CAMKMT: variants seen among roughly 807,000 people sequenced by gnomAD.
The protein encoded by CAMKMT is CaM KMT.
CAMKMT carries 53 observed loss-of-function variants against 48.0 expected under a neutral mutation model. The observed-to-expected ratio is 1.10, with a 90% CI of 0.89 to 1.39. CAMKMT has a LOEUF of 1.39. CAMKMT is among the 40% of genes most tolerant of loss of function. The probability of loss-of-function intolerance (pLI) is 0.00; values close to 1 mark genes in which losing one functional copy is unlikely to be tolerated. For synonymous variants in CAMKMT, 165 were observed against 152.3 expected (o/e 1.08, Z -0.61); for missense variants, 428 against 402.7 (o/e 1.06, Z -0.54).
intron 3 of CAMKMT, among the ~76,000 whole-genome samples, chr2:44,417,445 G>A (rs1683636233): frequency 1.3e-5 from 2 of 152,130 alleles, no homozygotes; most frequent in South Asian, 4.1e-4. Flanking sequence ...ATTCATTTAT[G>A]TATTCATCTA....
At chr2:44,417,316 A>G (rs1683626040) in intron 3 of CAMKMT, among the ~76,000 whole-genome samples, 1 of 152,100 alleles carries the variant, frequency 6.6e-6, no homozygotes, top group Non-Finnish European at 1.5e-5. Flanking sequence ...AATTGCTTGA[A>G]TCCGGGAGGC....
intron 6 of CAMKMT, among the ~76,000 whole-genome samples, chr2:44,712,630 G>A (rs923435275): frequency 5.9e-5 from 9 of 152,118 alleles, no homozygotes; most frequent in Non-Finnish European, 1.2e-4. Context: ...TAGACAAGGG[G>A]ATTGGAGGCA....
intron 6 of CAMKMT, among the ~76,000 whole-genome samples, chr2:44,713,540 T>C (rs1284574627): frequency 6.6e-6 from 1 of 152,308 alleles, no homozygotes; most frequent in East Asian, 1.9e-4. Flanking sequence ...TGTAGGCCGA[T>C]GTGTCATTTT....
chr2:44,430,176 G>A lies in CAMKMT; in HGVS notation c.376+39871G>A, dbSNP rs534961896. On this transcript the variant is annotated intron_variant, in intron 3 of 10. Coordinates refer to ENST00000378494, the MANE Select transcript of CAMKMT (RefSeq NM_024766.5). ...TGGAAGCTAAAGAATAACCTGCCTTGTAGTCTCTGATGTTTCAAAAGAATC... is the reference window on the plus strand; with the variant it reads ...TGGAAGCTAAAGAATAACCTGCCTTATAGTCTCTGATGTTTCAAAAGAATC... Among the ~76,000 whole-genome samples, 13 of 152,112 alleles carry A rather than the reference G, an allele frequency of 8.5e-5. 1 individual carries two copies. The South Asian group carries it at 2.7e-3, about 32-fold the overall frequency.
intron 3 of CAMKMT, among the ~76,000 whole-genome samples, chr2:44,620,740 C>G (rs1285154094): frequency 1.3e-5 from 2 of 152,162 alleles, no homozygotes; most frequent in African/African-American, 4.8e-5. Context: ...CCCTCTGTTT[C>G]AAAACAAACA....
At chr2:44,412,031 A>G (rs1309556384) in intron 3 of CAMKMT, among the ~76,000 whole-genome samples, 1 of 122,364 alleles carries the variant, frequency 8.2e-6, no homozygotes, top group African/African-American at 3.2e-5. Context: ...GTAGATTTGC[A>G]CTGAATCCTC....
chr2:44,624,638 T>G (rs1313668266), intron 3 of CAMKMT, among the ~76,000 whole-genome samples: 1 of 152,184 alleles, frequency 6.6e-6, no homozygotes, highest in Non-Finnish European at 1.5e-5. Context: ...TCATCCATGT[T>G]CCTACAAAGG....
At chr2:44,556,225 G>A (rs1241239243) in intron 3 of CAMKMT, among the ~76,000 whole-genome samples, 3 of 151,844 alleles carry the variant, frequency 2.0e-5, no homozygotes, top group Non-Finnish European at 2.9e-5. Context: ...TGCAACTTCC[G>A]CCTCCCAGGT....
chr2:44,556,375 G>C (rs1668003808), intron 3 of CAMKMT, among the ~76,000 whole-genome samples: 1 of 151,548 alleles, frequency 6.6e-6, no homozygotes, highest in Admixed American at 6.6e-5. Flanking sequence ...CTGACCTCTG[G>C]TGATCCACCT....
intron 3 of CAMKMT, among the ~76,000 whole-genome samples, chr2:44,612,074 G>A (rs1482387451): frequency 6.6e-6 from 1 of 152,066 alleles, no homozygotes; most frequent in Admixed American, 6.6e-5. Context: ...AATAAACTAT[G>A]TATGTGATGT....
chr2:44,659,076 T>G (rs1326794615), intron 3 of CAMKMT, among the ~76,000 whole-genome samples: 8 of 79,074 alleles, frequency 1.0e-4, no homozygotes, highest in Non-Finnish European at 1.5e-4. Flanking sequence ...GTGTGTGTAG[T>G]TTTTTTTTTT....
At chr2:44,370,695 A>G (rs796241722) in intron 1 of CAMKMT, among the ~76,000 whole-genome samples, 5 of 152,292 alleles carry the variant, frequency 3.3e-5, no homozygotes, top group African/African-American at 1.2e-4. Flanking sequence ...AATTTTTGCA[A>G]TGAATGCTTA....
chr2:44,490,477 G>A (rs953087030), intron 3 of CAMKMT, among the ~76,000 whole-genome samples: 51 of 152,208 alleles, frequency 3.4e-4, no homozygotes, highest in African/African-American at 1.2e-3. Context: ...GTTTCACCAT[G>A]TTGGTCAGGC....
At chr2:44,689,527 A>C (rs1676525462) in intron 3 of CAMKMT, among the ~76,000 whole-genome samples, 1 of 152,052 alleles carries the variant, frequency 6.6e-6, no homozygotes, top group East Asian at 1.9e-4. Context: ...CCTTGGGGGA[A>C]GGCATTACTT....
At chr2:44,729,579 AAGGTCATATCAT>A (rs1678970320) in intron 7 of CAMKMT, among the ~76,000 whole-genome samples, 1 of 152,184 alleles carries the variant, frequency 6.6e-6, no homozygotes, top group Non-Finnish European at 1.5e-5. Flanking sequence ...TGTTGGAAGA[AAGGTCATATCAT>A]CAGGGCAGGT....
intron 3 of CAMKMT, among the ~76,000 whole-genome samples, chr2:44,650,270 C>T (rs1171982532): frequency 6.6e-6 from 1 of 152,118 alleles, no homozygotes; most frequent in South Asian, 2.1e-4. Context: ...CAGTCTCCAC[C>T]TTTGTCGTCA....
chr2:44,645,587 G>A (rs376640348), intron 3 of CAMKMT, among the ~76,000 whole-genome samples: 1 of 152,106 alleles, frequency 6.6e-6, no homozygotes, highest in East Asian at 1.9e-4. Flanking sequence ...TTGGGAGGCC[G>A]AGGCAGGCAG....
At chr2:44,668,789 C>A (rs1001006407) in intron 3 of CAMKMT, among the ~76,000 whole-genome samples, 1 of 148,268 alleles carries the variant, frequency 6.7e-6, no homozygotes, top group Admixed American at 6.7e-5. Flanking sequence ...TTTCTTTTTT[C>A]TTTTTTTTTT....
chr2:44,566,767 A>C (rs1472838835), intron 3 of CAMKMT, among the ~76,000 whole-genome samples: 1 of 152,236 alleles, frequency 6.6e-6, no homozygotes, highest in Non-Finnish European at 1.5e-5. Flanking sequence ...TTGAGGAATT[A>C]TGTAAGAATA....
Sources: allele counts gnomAD v4.1 joint callset (sites outside exome capture counted in the v4.1 genomes callset), GRCh38; gene constraint gnomAD v4.1.1; transcripts MANE v1.5; gene names NCBI Gene and HGNC (gene_info 2026-07-23, HGNC 2026-07-21).